Variants in SFI1 observed in about 807,000 individuals in gnomAD.
The protein encoded by SFI1 is SFI1 centrin binding protein.
SFI1 carries 195 observed loss-of-function variants against 207.5 expected under a neutral mutation model. That is an observed-to-expected ratio of 0.94 (90% confidence interval 0.84 to 1.06). The LOEUF (loss-of-function observed/expected upper bound fraction) is 1.06. SFI1 is among the 50% of genes least tolerant of loss of function. The pLI is 0.00. For missense variants in SFI1, 1,634 were observed against 1,588.0 expected (o/e 1.03, Z -0.49); for synonymous variants, 630 against 598.9 (o/e 1.05, Z -0.76).
intron 8 of SFI1, among the ~76,000 whole-genome samples, chr22:31,567,963 A>AAAC (rs2062498060): frequency 6.6e-6 from 1 of 152,148 alleles, no homozygotes; most frequent in Non-Finnish European, 1.5e-5. Context: ...TAGTAAAACA[A>AAAC]GTGTTATTGT....
chr22:31,608,224 G>A (rs2069406105), intron 22 of SFI1, among the ~76,000 whole-genome samples, 191 bp downstream of exon 22: 1 of 152,200 alleles, frequency 6.6e-6, no homozygotes, highest in Non-Finnish European at 1.5e-5. Flanking sequence ...GAGGCTGGCA[G>A]TCAGCGATCA....
At chr22:31,513,219 T>C (rs1185374918) in intron 2 of SFI1, among the ~76,000 whole-genome samples, 1 of 152,020 alleles carries the variant, frequency 6.6e-6, no homozygotes, top group Non-Finnish European at 1.5e-5. Context: ...AGTGCAGTGG[T>C]GTGATCATGG....
chr22:31,557,629 T>A (rs528328329), intron 7 of SFI1, among the ~76,000 whole-genome samples: 1 of 152,356 alleles, frequency 6.6e-6, no homozygotes, highest in South Asian at 2.1e-4. Context: ...GTTAAGTTTG[T>A]GTGTGCATGT....
chr22:31,553,414 G>A (rs1490771004), intron 6 of SFI1, among the ~76,000 whole-genome samples: 2 of 151,662 alleles, frequency 1.3e-5, no homozygotes, highest in African/African-American at 4.8e-5. Flanking sequence ...GGAGTGCAGT[G>A]GCGCAATCTC....
rs145818751 is a variant in SFI1, at chr22:31,584,978, C to G, written c.1347-90C>G. The G allele has an allele frequency of 6.9e-5, 75 of 1,088,218 alleles. 1 individual carries two copies. The East Asian group carries it at 1.3e-3, about 19-fold the overall frequency. The allele number at this position is 1,088,218 out of a possible 1,614,324, so 67.4% of individuals were successfully genotyped here. A position where few individuals can be genotyped will look rare whatever the true frequency, so the allele number is the denominator to read the frequency against. The stretch of plus-strand genomic sequence containing the variant: ...TAGTAAGCCCATGGGGTGCCTTTAA[C>G]TCACAGGAAGTAACTGTACCGCAAT... On this transcript the variant is annotated intron_variant, in intron 13 of 32. Coordinates refer to ENST00000400288, the MANE Select transcript of SFI1 (RefSeq NM_001007467.3).
chr22:31,601,334 A>C (rs1191770222), intron 15 of SFI1, among the ~76,000 whole-genome samples: 1 of 152,020 alleles, frequency 6.6e-6, no homozygotes, highest in Non-Finnish European at 1.5e-5. Flanking sequence ...CGTGTTAGGC[A>C]GGATGGTCTC....
At chr22:31,576,289 T>C (rs1051802362) in intron 10 of SFI1, among the ~76,000 whole-genome samples, 2 of 150,948 alleles carry the variant, frequency 1.3e-5, no homozygotes, top group African/African-American at 4.9e-5. Context: ...CCTCCCGAAG[T>C]GCTGGGATTA....
At chr22:31,597,610 G>A (rs1024966791) in intron 15 of SFI1, among the ~76,000 whole-genome samples, 3 of 152,116 alleles carry the variant, frequency 2.0e-5, no homozygotes, top group African/African-American at 7.2e-5. Context: ...AAATGAAATG[G>A]GAAAACATGT....
At position 31,575,293 on chromosome 22, in the gene SFI1, G is replaced by A; in HGVS notation, c.985G>A (p.Ala329Thr). Reference protein sequence around the residue: ...LQIYFCDWQQAWERRESLYAH... With the variant: ...LQIYFCDWQQTWERRESLYAH... The stretch of plus-strand genomic sequence containing the variant: ...GATATACTTCTGTGACTGGCAGCAG[G>A]CCTGGGAGCGGAGGGAGAGCTTGTA... The change falls in exon 10 of 33, where the codon GCC becomes ACC. Residue 329 changes from alanine to threonine, a missense_variant. Physicochemically the swap from Ala to Thr is moderately conservative, Grantham distance 58 (BLOSUM62 0). Coordinates refer to ENST00000400288, the MANE Select transcript of SFI1 (RefSeq NM_001007467.3). The A allele has an allele frequency of 6.2e-7, 1 of 1,613,370 alleles. No individual in the cohort carries two copies. Among genetic ancestry groups the A allele is most frequent in the South Asian group, 1.1e-5 (1 of 90,830 alleles).
intron 9 of SFI1, among the ~76,000 whole-genome samples, chr22:31,574,772 T>C (rs578041455): frequency 6.6e-6 from 1 of 152,030 alleles, no homozygotes; most frequent in African/African-American, 2.4e-5. Flanking sequence ...AAACTTGTAT[T>C]TTGGCCGGGC....
chr22:31,573,640 T>A (rs2063180380), intron 9 of SFI1, among the ~76,000 whole-genome samples: 1 of 152,012 alleles, frequency 6.6e-6, no homozygotes, highest in African/African-American at 2.4e-5. Context: ...GTTTCATAAC[T>A]TTGGCCAGGC....
Position 31,550,267 on chromosome 22 carries a change from A to C in SFI1, c.463A>C (p.Asn155His), listed in dbSNP as rs1166173240. The stretch of plus-strand genomic sequence containing the variant: ...TTGGCTCCTCAGGTATTACCTGTAC[A>C]ACCTGATGTTCCAGACGTGGAAGAC... ...ADCHYRYYLYNLMFQTWKTYV... is the reference protein window; with the variant it reads ...ADCHYRYYLYHLMFQTWKTYV... The change falls in exon 6 of 33, where the codon AAC becomes CAC. Residue 155 changes from asparagine (N) to histidine (H), a missense_variant. Asn to His is a moderately conservative substitution (Grantham distance 68, BLOSUM62 1). Transcript: ENST00000400288. 2 of 1,613,870 alleles carry C rather than the reference A, an allele frequency of 1.2e-6. No homozygotes were observed. Among genetic ancestry groups the C allele is most frequent in the Admixed American group, 3.3e-5 (2 of 59,998 alleles).
chr22:31,526,239 A>G (rs1455674215), intron 2 of SFI1, among the ~76,000 whole-genome samples: 1 of 152,228 alleles, frequency 6.6e-6, no homozygotes, highest in African/African-American at 2.4e-5. Context: ...TAAGTAATTT[A>G]TAAAGGAAGG....
At position 31,594,324 on chromosome 22, in the gene SFI1, C is replaced by T. The variant is rs376746814; in HGVS notation, c.1544+4747C>T. 6.6e-5 allele frequency among the ~76,000 whole-genome samples: 10 copies of T among 152,004 alleles called. No individual in the cohort carries two copies. The East Asian group carries it at 1.9e-3, about 29-fold the overall frequency. ...CAGCACTTTGGGAGGCCGGAGCGGG[C>T]GGATCACAAGGTCAAGAGTTCAAGA... On this transcript the variant is annotated intron_variant, in intron 15 of 32. Coordinates refer to ENST00000400288, the MANE Select transcript of SFI1 (RefSeq NM_001007467.3).
chr22:31,591,617 T>TC (rs2065940973), intron 15 of SFI1, among the ~76,000 whole-genome samples: 1 of 114,968 alleles, frequency 8.7e-6, no homozygotes, highest in Admixed American at 8.2e-5. Flanking sequence ...CCCACCTCCC[T>TC]CCCGGACGGG....
At chr22:31,562,434 T>A (rs1161171725) in intron 8 of SFI1, among the ~76,000 whole-genome samples, 2 of 129,384 alleles carry the variant, frequency 1.5e-5, no homozygotes, top group African/African-American at 3.1e-5. Context: ...TGGGGCCCTG[T>A]CTCAAAAAAA....
At position 31,556,961 on chromosome 22, in the gene SFI1, A is replaced by T; in HGVS notation, c.564A>T (p.Arg188=). 1 of 1,606,886 alleles carries T rather than the reference A, an allele frequency of 6.2e-7. No homozygotes were observed. ...AEVHDAKQKM[R]QAWKSWLIYV... ...ATCTAGATGCAAAGCAAAAGATGCG[A>T]CAGGCCTGGAAGTCCTGGTTGATCT... Residue 188 remains arginine (R), a synonymous_variant, in exon 7 of 33, where the codon CGA becomes CGT. Coordinates refer to ENST00000400288, the MANE Select transcript of SFI1 (RefSeq NM_001007467.3).
chr22:31,606,262 C>G, intron 20 of SFI1, 66 bp from the exon 21 acceptor site: 1 of 1,445,174 alleles, frequency 6.9e-7, no homozygotes, highest in South Asian at 1.1e-5. Flanking sequence ...AGGAATGATT[C>G]ACAGAAGCCT....
intron 15 of SFI1, among the ~76,000 whole-genome samples, chr22:31,593,063 A>T (rs1188258378): frequency 2.0e-5 from 2 of 101,304 alleles, no homozygotes; most frequent in Non-Finnish European, 4.0e-5. Context: ...CCCGGACGGC[A>T]CGGCTGGCCG....
Sources: allele counts gnomAD v4.1 joint callset (sites outside exome capture counted in the v4.1 genomes callset), GRCh38; gene constraint gnomAD v4.1.1; transcripts MANE v1.5; gene names NCBI Gene and HGNC (gene_info 2026-07-23, HGNC 2026-07-21).